Variants in RIT2 observed in about 807,000 individuals in gnomAD.
RIT2 encodes the protein Ras like without CAAX 2.
Under a neutral mutation model 23.7 loss-of-function variants are expected in RIT2, and 24 were observed. The ratio of observed to expected loss-of-function variants is 1.01; its 90% confidence interval spans 0.73 to 1.43. The LOEUF is 1.43. RIT2 is among the 40% of genes most tolerant of loss of function. RIT2 has a pLI of 0.00. For synonymous variants in RIT2, 107 were observed against 91.1 expected (o/e 1.17, Z -0.99); for missense variants, 236 against 266.9 (o/e 0.88, Z 0.81).
In RIT2 at chr18:43,024,314, C is replaced by T. The variant is rs1283784585; in HGVS notation, c.160+9497G>A. On this transcript the variant is annotated intron_variant, in intron 2 of 4. Coordinates refer to ENST00000326695, the MANE Select transcript of RIT2 (RefSeq NM_002930.4). The stretch of plus-strand genomic sequence containing the variant: ...GAAAACATACACTGGAGAAAGGACA[C>T]CTTATTCAATAAATGGTGCTGAAAA... Among the ~76,000 whole-genome samples the T allele has an allele frequency of 3.3e-5, 5 of 152,156 alleles. No individual in the cohort carries two copies. The South Asian group carries it at 1.0e-3, about 32-fold the overall frequency.
Position 43,015,172 on chromosome 18 carries a change from T to C in RIT2, c.160+18639A>G, listed in dbSNP as rs528901596. ...AGTTATATGAGTGGTTACTGTGTAA[T>C]AAAATATTGAGCTATAGCAGTCATG... On this transcript the variant is annotated intron_variant, in intron 2 of 4. Transcript: ENST00000326695. Among the ~76,000 whole-genome samples the C allele has an allele frequency of 6.6e-5, 10 of 151,804 alleles. No homozygotes were observed. The East Asian group carries it at 7.8e-4, about 12-fold the overall frequency.
chr18:43,040,339 T>G (rs554983591), intron 1 of RIT2, among the ~76,000 whole-genome samples: 6 of 152,228 alleles, frequency 3.9e-5, no homozygotes, highest in Admixed American at 1.3e-4. Flanking sequence ...CTCTGTCTTA[T>G]AAAGAATTTA....
intron 2 of RIT2, among the ~76,000 whole-genome samples, chr18:43,012,475 G>A (rs1911372684): frequency 6.6e-6 from 1 of 151,486 alleles, no homozygotes; most frequent in African/African-American, 2.4e-5. Context: ...ATACTTCTGA[G>A]GATCTAAGAG....
rs752060157 is a variant in RIT2, at chr18:42,852,761, T to TTCCC, written c.426+70807_426+70810dup. Among the ~76,000 whole-genome samples the TTCCC allele has an allele frequency of 5.4e-5, 8 of 146,802 alleles. No individual in the cohort carries two copies. The East Asian group carries it at 6.1e-4, about 11-fold the overall frequency. ...GAGACTTTGTTTTCAGAATTTCTTCTTCCCTCCCTCCCTCCCTCTCTCCCT... is the reference window on the plus strand; with the variant it reads ...GAGACTTTGTTTTCAGAATTTCTTCTTCCCTCCCTCCCTCCCTCCCTCTCTCCCT... On this transcript the variant is annotated intron_variant, in intron 4 of 4. Coordinates refer to ENST00000326695, the MANE Select transcript of RIT2 (RefSeq NM_002930.4).
chr18:42,789,664 C>T (rs1913998577), intron 4 of RIT2, among the ~76,000 whole-genome samples: 1 of 152,046 alleles, frequency 6.6e-6, no homozygotes, highest in Non-Finnish European at 1.5e-5. Context: ...GTGAGTTTTG[C>T]ACATTAATTT....
At chr18:43,084,859 G>C (rs1913244371) in intron 1 of RIT2, among the ~76,000 whole-genome samples, 1 of 152,096 alleles carries the variant, frequency 6.6e-6, no homozygotes, top group African/African-American at 2.4e-5. Context: ...TAACAAACCT[G>C]CACGTTCTGT....
intron 4 of RIT2, among the ~76,000 whole-genome samples, chr18:42,780,235 C>CTA (rs1317550989): frequency 1.3e-5 from 2 of 151,776 alleles, no homozygotes; most frequent in East Asian, 3.9e-4. Context: ...TGGTTCAGCC[C>CTA]TAAAGGCAGG....
intron 4 of RIT2, 142 bp downstream of exon 4, chr18:42,923,430 G>T: frequency 1.3e-6 from 1 of 747,982 alleles, no homozygotes; most frequent in Non-Finnish European, 2.3e-6. Flanking sequence ...ATTTACCATG[G>T]GACCACCATG....
chr18:43,031,912 G>A (rs1371575442), intron 2 of RIT2, among the ~76,000 whole-genome samples: 1 of 152,002 alleles, frequency 6.6e-6, no homozygotes, highest in Non-Finnish European at 1.5e-5. Flanking sequence ...CCTCTTAAGA[G>A]GTCATTAAGT....
intron 3 of RIT2, among the ~76,000 whole-genome samples, chr18:42,926,899 G>T (rs1006712544): frequency 1.3e-5 from 2 of 151,824 alleles, no homozygotes; most frequent in African/African-American, 4.8e-5. Flanking sequence ...TGACCTCTAG[G>T]ACTGTTACTT....
chr18:42,938,975 G>T (rs1274877646), intron 3 of RIT2, among the ~76,000 whole-genome samples: 1 of 151,988 alleles, frequency 6.6e-6, no homozygotes, highest in African/African-American at 2.4e-5. Context: ...CAAACTCTTG[G>T]GCTCAAGCAA....
intron 3 of RIT2, among the ~76,000 whole-genome samples, chr18:42,972,126 A>T (rs1451423631): frequency 6.6e-6 from 1 of 151,904 alleles, no homozygotes; most frequent in Non-Finnish European, 1.5e-5. Context: ...ACCCCCTATT[A>T]TCATGAATAA....
chr18:42,854,246 TC>T (rs1907127107), intron 4 of RIT2, among the ~76,000 whole-genome samples: 1 of 152,184 alleles, frequency 6.6e-6, no homozygotes, highest in South Asian at 2.1e-4. Context: ...TTCCCAATTC[TC>T]CAATCAATAG....
chr18:42,765,500 G>C (rs1913399570), intron 4 of RIT2, among the ~76,000 whole-genome samples: 1 of 152,084 alleles, frequency 6.6e-6, no homozygotes, highest in Non-Finnish European at 1.5e-5. Context: ...GCCTGGGGAG[G>C]AGTTGATAGA....
intron 1 of RIT2, among the ~76,000 whole-genome samples, chr18:43,055,852 G>A (rs910832455): frequency 7.2e-5 from 11 of 152,086 alleles, no homozygotes; most frequent in African/African-American, 2.7e-4. Context: ...AGGCAAGGAT[G>A]TGAATGCAGA....
intron 1 of RIT2, among the ~76,000 whole-genome samples, chr18:43,073,147 C>A (rs1385526330): frequency 6.6e-6 from 1 of 152,200 alleles, no homozygotes; most frequent in Non-Finnish European, 1.5e-5. Context: ...GGAAGAACTG[C>A]ATCATCTGGA....
At chr18:42,836,773 C>G (rs1391587053) in intron 4 of RIT2, among the ~76,000 whole-genome samples, 1 of 152,190 alleles carries the variant, frequency 6.6e-6, no homozygotes, top group African/African-American at 2.4e-5. Context: ...TGTTTCCCAT[C>G]TCCCTTCAGA....
intron 4 of RIT2, among the ~76,000 whole-genome samples, chr18:42,916,118 T>C (rs1908903286): frequency 6.6e-6 from 1 of 152,056 alleles, no homozygotes; most frequent in South Asian, 2.1e-4. Context: ...AGCTAATTTG[T>C]TAAAATAGAT....
chr18:43,000,363 T>G (rs892073862), intron 2 of RIT2, among the ~76,000 whole-genome samples: 1 of 151,982 alleles, frequency 6.6e-6, no homozygotes, highest in African/African-American at 2.4e-5. Flanking sequence ...GTAACCGCTA[T>G]CCCAAAGGTC....
Sources: allele counts gnomAD v4.1 joint callset (sites outside exome capture counted in the v4.1 genomes callset), GRCh38; gene constraint gnomAD v4.1.1; transcripts MANE v1.5; gene names NCBI Gene and HGNC (gene_info 2026-07-23, HGNC 2026-07-21).